Variants in DKK2 observed in about 807,000 individuals in gnomAD.
The protein encoded by DKK2 is dickkopf Wnt signaling pathway inhibitor 2.
Under a neutral mutation model 28.1 loss-of-function variants are expected in DKK2, and 11 were observed. The ratio of observed to expected loss-of-function variants is 0.39; its 90% CI spans 0.25 to 0.65. DKK2 has a LOEUF of 0.65. Ranked by LOEUF, DKK2 falls within the 30% of genes least tolerant of loss-of-function variation. DKK2 has a pLI of 0.47. For missense variants in DKK2, 326 were observed against 335.5 expected (o/e 0.97, Z 0.22); for synonymous variants, 135 against 126.5 (o/e 1.07, Z -0.45).
intron 1 of DKK2, among the ~76,000 whole-genome samples, chr4:106,957,094 A>G (rs905573422): frequency 1.3e-5 from 2 of 152,190 alleles, no homozygotes; most frequent in African/African-American, 4.8e-5. Context: ...TGGGCAAAGG[A>G]CATGAACAGA....
intron 1 of DKK2, among the ~76,000 whole-genome samples, chr4:107,029,204 G>A (rs180856431): frequency 1.3e-3 from 204 of 152,228 alleles, no homozygotes; most frequent in Non-Finnish European, 1.9e-3. Flanking sequence ...AGTATAGAGA[G>A]AGAAGAGTAA....
chr4:106,986,788 T>G (rs963287102), intron 1 of DKK2, among the ~76,000 whole-genome samples: 1 of 152,200 alleles, frequency 6.6e-6, no homozygotes, highest in African/African-American at 2.4e-5. Flanking sequence ...TCAGAATCCT[T>G]GATTTATTAT....
chr4:107,033,325 T>A (rs1261847992), intron 1 of DKK2, among the ~76,000 whole-genome samples: 1 of 152,174 alleles, frequency 6.6e-6, no homozygotes, highest in East Asian at 1.9e-4. Context: ...ATTTGTGAAA[T>A]AAATAAATAA....
intron 1 of DKK2, among the ~76,000 whole-genome samples, chr4:106,940,522 T>C (rs1474824701): frequency 8.0e-5 from 12 of 150,628 alleles, no homozygotes; most frequent in Admixed American, 7.9e-4. Flanking sequence ...GACCGTAAAC[T>C]AGTTCAACCA....
chr4:106,977,615 G>A (rs749896445), intron 1 of DKK2, among the ~76,000 whole-genome samples: 9 of 152,016 alleles, frequency 5.9e-5, no homozygotes, highest in Non-Finnish European at 1.2e-4. Flanking sequence ...CTCTAAACTG[G>A]TTACTCTAGT....
chr4:106,939,642 C>G (rs1403421399), intron 1 of DKK2, among the ~76,000 whole-genome samples: 1 of 152,150 alleles, frequency 6.6e-6, no homozygotes, highest in Non-Finnish European at 1.5e-5. Context: ...AAAGAGCCCG[C>G]ATCGCCAAGT....
intron 1 of DKK2, among the ~76,000 whole-genome samples, chr4:106,933,257 G>C (rs1249298679): frequency 6.6e-6 from 1 of 152,164 alleles, no homozygotes; most frequent in African/African-American, 2.4e-5. Context: ...ACAATGCCTG[G>C]TCTGTATAAA....
At chr4:106,980,654 G>C (rs1723014110) in intron 1 of DKK2, among the ~76,000 whole-genome samples, 1 of 152,080 alleles carries the variant, frequency 6.6e-6, no homozygotes, top group South Asian at 2.1e-4. Context: ...AATACATGCT[G>C]AATTCGCTGC....
At chr4:107,027,664 C>T (rs767523252) in intron 1 of DKK2, among the ~76,000 whole-genome samples, 3 of 151,980 alleles carry the variant, frequency 2.0e-5, no homozygotes, top group East Asian at 1.9e-4. Flanking sequence ...CAAATTAATA[C>T]TTTTAGAAGC....
At chr4:106,930,643 G>A (rs1402688464) in intron 1 of DKK2, among the ~76,000 whole-genome samples, 2 of 152,102 alleles carry the variant, frequency 1.3e-5, no homozygotes, top group Non-Finnish European at 2.9e-5. Flanking sequence ...GACCGTCCTC[G>A]TTTTTTTGTT....
At chr4:107,023,609 G>A (rs1011280220) in intron 1 of DKK2, among the ~76,000 whole-genome samples, 1 of 152,026 alleles carries the variant, frequency 6.6e-6, no homozygotes, top group Non-Finnish European at 1.5e-5. Context: ...ACAACACAAA[G>A]AGTGAGCCCT....
At chr4:107,014,173 A>G (rs532565754) in intron 1 of DKK2, among the ~76,000 whole-genome samples, 1 of 151,592 alleles carries the variant, frequency 6.6e-6, no homozygotes, top group African/African-American at 2.4e-5. Context: ...CATGTCAAAG[A>G]GATACCTGCA....
At chr4:106,953,814 G>A (rs570442371) in intron 1 of DKK2, among the ~76,000 whole-genome samples, 67 of 152,236 alleles carry the variant, frequency 4.4e-4, no homozygotes, top group African/African-American at 1.5e-3. Flanking sequence ...GAAACAAACC[G>A]TAATACTTAA....
chr4:106,935,105 G>A (rs543137135), intron 1 of DKK2, among the ~76,000 whole-genome samples: 1 of 152,256 alleles, frequency 6.6e-6, no homozygotes. Flanking sequence ...GCATGACAAG[G>A]GGAGGAGCCA....
intron 1 of DKK2, among the ~76,000 whole-genome samples, chr4:106,964,960 T>TATAGATGATAGATAG (rs1553922186): frequency 2.3e-4 from 34 of 146,338 alleles, no homozygotes; most frequent in Non-Finnish European, 3.8e-4. Flanking sequence ...GATAGATAGA[T>TATAGATGATAGATAG]ATAGATAGAT....
chr4:107,019,256 T>C (rs529127896), intron 1 of DKK2, among the ~76,000 whole-genome samples: 3 of 152,146 alleles, frequency 2.0e-5, no homozygotes, highest in East Asian at 3.9e-4. Flanking sequence ...GTCTTCTCAC[T>C]TAACGAGGCA....
chr4:107,031,181 T>A (rs954061860), intron 1 of DKK2, among the ~76,000 whole-genome samples: 1 of 152,028 alleles, frequency 6.6e-6, no homozygotes, highest in East Asian at 1.9e-4. Context: ...CTTTATTTTT[T>A]AAAATTTAAT....
intron 1 of DKK2, among the ~76,000 whole-genome samples, chr4:107,002,592 A>G (rs1400124743): frequency 6.6e-6 from 1 of 152,202 alleles, no homozygotes; most frequent in Non-Finnish European, 1.5e-5. Flanking sequence ...AGTAAAAAAA[A>G]AGAAAAGGGA....
At chr4:106,938,365 C>A (rs1477467237) in intron 1 of DKK2, among the ~76,000 whole-genome samples, 2 of 152,152 alleles carry the variant, frequency 1.3e-5, no homozygotes, top group African/African-American at 2.4e-5. Flanking sequence ...ACTAGAAAAT[C>A]TAGAAGAAAT....
Sources: gnomAD v4.1 joint callset for allele counts (sites outside exome capture counted in the v4.1 genomes callset) on GRCh38, gnomAD v4.1.1 for gene constraint, MANE v1.5 for transcripts, NCBI Gene and HGNC (gene_info 2026-07-23, HGNC 2026-07-21) for gene names.